Variants in SEMA3A observed in about 807,000 individuals in gnomAD.
The protein encoded by SEMA3A is semaphorin 3A.
In SEMA3A, 29 loss-of-function variants were observed where a neutral mutation model predicts 97.9. That is an observed-to-expected ratio of 0.30 (90% CI 0.22 to 0.40). SEMA3A has a LOEUF of 0.40. Among genes scored for constraint, SEMA3A ranks in the 10% least tolerant of loss-of-function variants. SEMA3A has a pLI of 1.00. For missense variants in SEMA3A, 763 were observed against 951.3 expected, an observed-to-expected ratio of 0.80 and a Z score of 2.60; for synonymous variants, 321 against 323.7, an observed-to-expected ratio of 0.99 and a Z score of 0.09.
At chr7:83,962,888 T>C (rs539547762) in intron 16 of SEMA3A, among the ~76,000 whole-genome samples, 15 of 152,156 alleles carry the variant, frequency 9.9e-5, no homozygotes, top group Admixed American at 7.9e-4. Context: ...GGTTTTTTTT[T>C]ATTTGTGCAC....
chr7:84,206,804 C>T (rs9886241), intron 3 of SEMA3A, among the ~76,000 whole-genome samples: 1,752 of 150,732 alleles, frequency 0.012, 27 homozygotes, highest in African/African-American at 0.041. Flanking sequence ...AGTTCTTTCT[C>T]GTTCAACTGC....
chr7:84,267,823 T>C (rs1183734091), intron 3 of SEMA3A, among the ~76,000 whole-genome samples: 3 of 152,174 alleles, frequency 2.0e-5, no homozygotes, highest in African/African-American at 4.8e-5. Context: ...ATTTTATATA[T>C]AGCTATGAAG....
chr7:84,068,399 T>A (rs1793615084), intron 4 of SEMA3A, among the ~76,000 whole-genome samples: 1 of 144,586 alleles, frequency 6.9e-6, no homozygotes, highest in Admixed American at 7.0e-5. Context: ...ATTGTGCACA[T>A]GTACCCTAAA....
chr7:84,357,034 C>T (rs936857242), intron 2 of SEMA3A, among the ~76,000 whole-genome samples: 7 of 151,738 alleles, frequency 4.6e-5, no homozygotes, highest in African/African-American at 1.7e-4. Flanking sequence ...TGATTAAGTC[C>T]ATCTGAGCAC....
intron 2 of SEMA3A, among the ~76,000 whole-genome samples, chr7:84,355,697 C>T (rs1194109440): frequency 6.6e-6 from 1 of 151,676 alleles, no homozygotes; most frequent in East Asian, 1.9e-4. Context: ...ATCAAGGGCC[C>T]ACATCATATT....
chr7:84,211,227 G>C (rs999228622), intron 3 of SEMA3A, among the ~76,000 whole-genome samples: 1 of 152,182 alleles, frequency 6.6e-6, no homozygotes, highest in South Asian at 2.1e-4. Flanking sequence ...AATATGAAGA[G>C]AGAAGGCACA....
At chr7:84,323,926 T>C (rs949470269) in intron 2 of SEMA3A, among the ~76,000 whole-genome samples, 3 of 152,328 alleles carry the variant, frequency 2.0e-5, no homozygotes. Flanking sequence ...TTTAAAATCA[T>C]ATATAAATCT....
At chr7:84,131,111 T>A (rs1795949839) in intron 2 of SEMA3A, among the ~76,000 whole-genome samples, 1 of 151,932 alleles carries the variant, frequency 6.6e-6, no homozygotes. Flanking sequence ...TTAATAATAA[T>A]AATAATAGCA....
chr7:84,016,397 G>T (rs995590720), intron 6 of SEMA3A, among the ~76,000 whole-genome samples: 1 of 152,004 alleles, frequency 6.6e-6, no homozygotes, highest in South Asian at 2.1e-4. Context: ...AATTAGCCGA[G>T]CGTGGTGGCG....
At chr7:84,302,765 T>C (rs1801051233) in intron 3 of SEMA3A, among the ~76,000 whole-genome samples, 1 of 152,128 alleles carries the variant, frequency 6.6e-6, no homozygotes, top group Admixed American at 6.6e-5. Context: ...GTAAAAGGGA[T>C]ATCTTGGGAG....
intron 12 of SEMA3A, among the ~76,000 whole-genome samples, chr7:83,995,586 CG>C: frequency 6.6e-6 from 1 of 152,168 alleles, no homozygotes; most frequent in African/African-American, 2.4e-5. Context: ...AAATAAGCTA[CG>C]GGGATTTTTT....
rs534102373 is a variant in SEMA3A, at chr7:84,151,009, A to G, written c.113-16058T>C. 6.6e-3 allele frequency among the ~76,000 whole-genome samples: 983 copies of G among 148,792 alleles called. 27 individuals are homozygous for G. Among genetic ancestry groups the G allele is most frequent in the African/African-American group, 0.021 (835 of 40,680 alleles). ...ACACCTCACACTGCAGGGTACTCCA[A>G]CAGACCTGCAGCTGAGGGTCCTTTC... On this transcript the variant is annotated intron_variant, in intron 1 of 16. Transcript: ENST00000265362.
intron 4 of SEMA3A, among the ~76,000 whole-genome samples, chr7:84,066,822 A>G (rs1793522741): frequency 1.3e-5 from 2 of 152,156 alleles, no homozygotes; most frequent in African/African-American, 2.4e-5. Flanking sequence ...GGAAGAATCA[A>G]TATCGTGAAA....
intron 3 of SEMA3A, among the ~76,000 whole-genome samples, chr7:84,222,973 T>TA (rs1199087316): frequency 2.0e-5 from 3 of 151,898 alleles, no homozygotes; most frequent in African/African-American, 7.2e-5. Context: ...TTAAACAAAT[T>TA]AAAATGCTTC....
chr7:84,163,270 T>A (rs1797098147), intron 1 of SEMA3A, among the ~76,000 whole-genome samples: 1 of 152,292 alleles, frequency 6.6e-6, no homozygotes, highest in East Asian at 1.9e-4. Flanking sequence ...AAATGTATCA[T>A]TTTAAGCGAT....
intron 2 of SEMA3A, among the ~76,000 whole-genome samples, chr7:84,365,805 A>G (rs1802835095): frequency 6.6e-6 from 1 of 151,480 alleles, no homozygotes; most frequent in Non-Finnish European, 1.5e-5. Context: ...TGAGAACTGC[A>G]TGAATATCAC....
chr7:84,279,295 C>T (rs1021263072), intron 3 of SEMA3A, among the ~76,000 whole-genome samples: 6 of 152,038 alleles, frequency 3.9e-5, no homozygotes, highest in African/African-American at 9.7e-5. Context: ...AAATGGAACA[C>T]ATCAATACTA....
At chr7:84,366,151 C>T (rs985130118) in intron 2 of SEMA3A, among the ~76,000 whole-genome samples, 2 of 151,194 alleles carry the variant, frequency 1.3e-5, no homozygotes, top group African/African-American at 2.4e-5. Context: ...CAAAGACCTC[C>T]TTCTCCATTA....
intron 1 of SEMA3A, among the ~76,000 whole-genome samples, chr7:84,172,861 G>C (rs1797435600): frequency 6.6e-6 from 1 of 152,114 alleles, no homozygotes; most frequent in African/African-American, 2.4e-5. Flanking sequence ...TTTTGTTTTG[G>C]AAAATATTGA....
Sources: allele counts gnomAD v4.1 joint callset (sites outside exome capture counted in the v4.1 genomes callset), GRCh38; gene constraint gnomAD v4.1.1; transcripts MANE v1.5; gene names NCBI Gene and HGNC (gene_info 2026-07-23, HGNC 2026-07-21).